PTPRM: variants seen among roughly 807,000 people sequenced by gnomAD.
PTPRM encodes receptor-type tyrosine-protein phosphatase mu.
In PTPRM, 47 loss-of-function variants were observed where a neutral mutation model predicts 186.7. That is an observed-to-expected ratio of 0.25 (90% confidence interval 0.20 to 0.32). The LOEUF is 0.32. PTPRM is among the 10% of genes least tolerant of loss of function. PTPRM has a pLI of 1.00. For synonymous variants in PTPRM, 668 were observed against 674.9 expected (o/e 0.99, Z 0.16); for missense variants, 1,494 against 1,865.0 (o/e 0.80, Z 3.66).
chr18:7,734,758 G>A (rs16952487), intron 1 of PTPRM, among the ~76,000 whole-genome samples: 7,464 of 152,194 alleles, frequency 0.049, 467 homozygotes, highest in East Asian at 0.13. Flanking sequence ...TGGTAGCCTC[G>A]TTGGCATAAT....
chr18:8,228,716 G>A (rs963257521), intron 14 of PTPRM, among the ~76,000 whole-genome samples: 9 of 151,466 alleles, frequency 5.9e-5, no homozygotes, highest in African/African-American at 2.2e-4. Context: ...AGCCAGGTGT[G>A]GTGGCATACG....
chr18:8,284,568 T>G (rs2094936176), intron 19 of PTPRM, among the ~76,000 whole-genome samples: 1 of 151,660 alleles, frequency 6.6e-6, no homozygotes, highest in East Asian at 1.9e-4. Flanking sequence ...AGTATTACCC[T>G]CTCCCTGCCT....
chr18:7,983,680 A>G (rs1464790785), intron 7 of PTPRM, among the ~76,000 whole-genome samples: 30 of 152,078 alleles, frequency 2.0e-4, no homozygotes. Flanking sequence ...CTCAATCAGA[A>G]CTAGGAGCAG....
At chr18:7,909,220 C>T (rs954727945) in intron 4 of PTPRM, among the ~76,000 whole-genome samples, 1 of 152,342 alleles carries the variant, frequency 6.6e-6, no homozygotes, top group African/African-American at 2.4e-5. Flanking sequence ...TTATCAGTGC[C>T]TTCCTAAAAC....
intron 23 of PTPRM, among the ~76,000 whole-genome samples, chr18:8,355,436 G>T (rs1568816589): frequency 1.3e-5 from 2 of 152,160 alleles, no homozygotes; most frequent in East Asian, 3.9e-4. Flanking sequence ...GATTCAGTAT[G>T]AACCAGGGGA....
At chr18:8,268,258 A>G (rs62091339) in intron 19 of PTPRM, among the ~76,000 whole-genome samples, 45,114 of 152,010 alleles carry the variant, frequency 0.3, 6,990 homozygotes, top group Admixed American at 0.39. Flanking sequence ...ATGTTTTTCA[A>G]TAAAGCTTCA....
chr18:8,138,737 AG>A (rs2092696276), intron 13 of PTPRM, among the ~76,000 whole-genome samples: 1 of 152,094 alleles, frequency 6.6e-6, no homozygotes, highest in Non-Finnish European at 1.5e-5. Flanking sequence ...CGCCTCTGCA[AG>A]GGCTTCCCTC....
At chr18:8,297,459 G>A (rs549360149) in intron 20 of PTPRM, among the ~76,000 whole-genome samples, 1 of 152,124 alleles carries the variant, frequency 6.6e-6, no homozygotes, top group African/African-American at 2.4e-5. Context: ...AATTTCCTGT[G>A]ACTGCAGAAA....
In PTPRM at chr18:7,976,125, C is replaced by T. The variant is rs373393591; in HGVS notation, c.1132+20711C>T. ...CAGAGATTGCAGTGAGCCAAGATCG[C>T]GCCATTGCATTCCAGCCGGGAGACA... is the stretch of plus-strand genomic sequence containing the variant. On this transcript the variant is annotated intron_variant, in intron 7 of 32. Coordinates refer to ENST00000580170, the MANE Select transcript of PTPRM (RefSeq NM_001105244.2). 3.9e-5 allele frequency among the ~76,000 whole-genome samples: 6 copies of T among 152,068 alleles called. 1 individual carries two copies. Among genetic ancestry groups the T allele is most frequent in the East Asian group, 1.9e-4 (1 of 5,168 alleles).
chr18:7,770,107 A>G (rs1276629940), intron 1 of PTPRM, among the ~76,000 whole-genome samples: 3 of 152,324 alleles, frequency 2.0e-5, no homozygotes, highest in Middle Eastern at 3.4e-3. Flanking sequence ...GTTCTGGAGA[A>G]AAGTTAGGGA....
At chr18:8,176,188 G>A (rs1466682807) in intron 14 of PTPRM, among the ~76,000 whole-genome samples, 1 of 149,152 alleles carries the variant, frequency 6.7e-6, no homozygotes, top group African/African-American at 2.5e-5. Context: ...TGAATTGCTT[G>A]TTGTATGGCA....
intron 19 of PTPRM, among the ~76,000 whole-genome samples, chr18:8,295,924 A>G (rs1238360814): frequency 6.6e-6 from 1 of 152,170 alleles, no homozygotes; most frequent in Non-Finnish European, 1.5e-5. Context: ...CAGCTTACCT[A>G]CTCTCATGTT....
At chr18:8,378,135 G>A (rs780446759) in intron 26 of PTPRM, 130 bp from the exon 27 acceptor site, 15 of 907,680 alleles carry the variant, frequency 1.7e-5, no homozygotes, top group Non-Finnish European at 2.5e-5. Flanking sequence ...TAGCACTTGA[G>A]CCCTTGGACC....
chr18:8,399,407 A>T (rs1438455756), intron 32 of PTPRM, among the ~76,000 whole-genome samples: 1 of 152,212 alleles, frequency 6.6e-6, no homozygotes, highest in African/African-American at 2.4e-5. Flanking sequence ...TCAGGGCCTC[A>T]TCCAAACAGT....
chr18:8,285,367 A>G (rs1440330873), intron 19 of PTPRM, among the ~76,000 whole-genome samples: 1 of 152,186 alleles, frequency 6.6e-6, no homozygotes, highest in Non-Finnish European at 1.5e-5. Flanking sequence ...CCTCAGCACC[A>G]CTTAAGCCAA....
At chr18:7,969,004 AT>A (rs1385782934) in intron 7 of PTPRM, among the ~76,000 whole-genome samples, 1 of 75,272 alleles carries the variant, frequency 1.3e-5, no homozygotes, top group African/African-American at 6.3e-5. Flanking sequence ...CGGAATATAC[AT>A]TTTTTTCAGC....
At chr18:7,804,679 A>G (rs1362796755) in intron 2 of PTPRM, among the ~76,000 whole-genome samples, 1 of 152,208 alleles carries the variant, frequency 6.6e-6, no homozygotes, top group Non-Finnish European at 1.5e-5. Context: ...GGTAATTGAC[A>G]TCATTTGCCT....
chr18:7,997,893 T>C (rs2083636321), intron 7 of PTPRM, among the ~76,000 whole-genome samples: 2 of 152,184 alleles, frequency 1.3e-5, no homozygotes, highest in Admixed American at 6.5e-5. Context: ...CTGGCAAGGA[T>C]GCAGAGAAAG....
At chr18:8,257,361 TGA>T (rs1389663514) in intron 19 of PTPRM, among the ~76,000 whole-genome samples, 1 of 152,184 alleles carries the variant, frequency 6.6e-6, no homozygotes, top group African/African-American at 2.4e-5. Flanking sequence ...TGTGTCACAC[TGA>T]GAGGTTTGGA....
Sources: allele counts gnomAD v4.1 joint callset (sites outside exome capture counted in the v4.1 genomes callset), GRCh38; gene constraint gnomAD v4.1.1; transcripts MANE v1.5; gene names NCBI Gene and HGNC (gene_info 2026-07-23, HGNC 2026-07-21).